The following GSG1L variants were observed in gnomAD, a reference collection of about 807,000 sequenced individuals.
GSG1L encodes GSG1 like, also known as germ cell-specific gene 1-like protein.
In GSG1L, 24 loss-of-function variants were observed where a neutral mutation model predicts 42.1. The observed-to-expected ratio is 0.57, with a 90% CI of 0.41 to 0.80. The LOEUF (loss-of-function observed/expected upper bound fraction) is 0.80, where lower values mean the gene tolerates loss of function less well. Among genes scored for constraint, GSG1L ranks in the 30% least tolerant of loss-of-function variants. The pLI is 0.00. For missense variants in GSG1L, 445 were observed against 472.2 expected (o/e 0.94, Z 0.53); for synonymous variants, 215 against 203.5 (o/e 1.06, Z -0.48).
chr16:27,954,605 A>G (rs1466593364), intron 2 of GSG1L, among the ~76,000 whole-genome samples: 4 of 152,150 alleles, frequency 2.6e-5, no homozygotes, highest in Non-Finnish European at 5.9e-5. Context: ...AGTGCAAGAG[A>G]AAAAGCCTCG....
At chr16:27,851,997 C>G (rs1413600712) in intron 3 of GSG1L, among the ~76,000 whole-genome samples, 2 of 152,230 alleles carry the variant, frequency 1.3e-5, no homozygotes, top group Non-Finnish European at 2.9e-5. Flanking sequence ...TCCAGGATCT[C>G]CCCTGCCTCT....
At chr16:27,863,705 A>C (rs2083682045) in intron 3 of GSG1L, among the ~76,000 whole-genome samples, 1 of 152,190 alleles carries the variant, frequency 6.6e-6, no homozygotes, top group Non-Finnish European at 1.5e-5. Context: ...TCATATTTCG[A>C]GATGACAGCC....
intron 1 of GSG1L, among the ~76,000 whole-genome samples, chr16:27,964,222 C>T (rs765105782): frequency 3.3e-5 from 5 of 151,420 alleles, no homozygotes; most frequent in Non-Finnish European, 7.4e-5. Context: ...CCCAGCTACT[C>T]GGGAGGCTGA....
At chr16:27,950,811 T>A (rs1338743222) in intron 2 of GSG1L, among the ~76,000 whole-genome samples, 1 of 152,108 alleles carries the variant, frequency 6.6e-6, no homozygotes, top group African/African-American at 2.4e-5. Flanking sequence ...GGCTGTTCAT[T>A]CTACTGGGAC....
At chr16:27,909,857 TC>T (rs1474156712) in intron 2 of GSG1L, among the ~76,000 whole-genome samples, 1 of 151,980 alleles carries the variant, frequency 6.6e-6, no homozygotes, top group Non-Finnish European at 1.5e-5. Context: ...AAGAGAAGTT[TC>T]ACAGTCCCAT....
At chr16:27,930,529 G>A (rs2084644065) in intron 2 of GSG1L, among the ~76,000 whole-genome samples, 1 of 152,218 alleles carries the variant, frequency 6.6e-6, no homozygotes, top group Non-Finnish European at 1.5e-5. Flanking sequence ...TATTTTGGGG[G>A]CCTTGTACAG....
At position 27,912,232 on chromosome 16, in the gene GSG1L, G is replaced by T. The variant is rs560860815; in HGVS notation, c.398-27594C>A. Among the ~76,000 whole-genome samples, 86 of 152,318 alleles carry T rather than the reference G, an allele frequency of 5.6e-4. 1 individual carries two copies. Among genetic ancestry groups the T allele is most frequent in the African/African-American group, 2.0e-3 (85 of 41,570 alleles). Reference sequence around the variant, plus strand: ...CAACTGGCATTAAGACCAAAGGTCTGGCTGGGCACAGTGGCTCATGCCTAT... The same window carrying T: ...CAACTGGCATTAAGACCAAAGGTCTTGCTGGGCACAGTGGCTCATGCCTAT... On this transcript the variant is annotated intron_variant, in intron 2 of 6. Transcript: ENST00000447459.
intron 2 of GSG1L, among the ~76,000 whole-genome samples, chr16:27,903,997 G>A (rs537539048): frequency 3.9e-5 from 6 of 152,104 alleles, no homozygotes; most frequent in East Asian, 1.9e-4. Context: ...TTGCTGAAAC[G>A]TGCCAGGCAC....
At chr16:28,002,540 G>C (rs1445331479) in intron 1 of GSG1L, among the ~76,000 whole-genome samples, 3 of 152,190 alleles carry the variant, frequency 2.0e-5, no homozygotes, top group Non-Finnish European at 4.4e-5. Flanking sequence ...GGGATGGCTT[G>C]AGCCCAGGAG....
intron 4 of GSG1L, among the ~76,000 whole-genome samples, chr16:27,844,474 G>A (rs1267875880): frequency 6.6e-6 from 1 of 152,036 alleles, no homozygotes; most frequent in African/African-American, 2.4e-5. Context: ...GGCAGGGGTC[G>A]GCAGGGGGTC....
chr16:27,943,123 T>C (rs1336679579), intron 2 of GSG1L, among the ~76,000 whole-genome samples: 1 of 152,050 alleles, frequency 6.6e-6, no homozygotes, highest in Non-Finnish European at 1.5e-5. Context: ...GGCATGATCA[T>C]AGCTCACTAC....
chr16:27,850,556 G>A (rs1317856313), intron 3 of GSG1L: 7 of 455,748 alleles, frequency 1.5e-5, no homozygotes, highest in African/African-American at 1.2e-4. Flanking sequence ...AGAGCAGGAG[G>A]GACCAGCAAA....
At chr16:28,022,387 G>T (rs58521643) in intron 1 of GSG1L, among the ~76,000 whole-genome samples, 1 of 152,106 alleles carries the variant, frequency 6.6e-6, no homozygotes, top group African/African-American at 2.4e-5. Context: ...GTACAGTGGC[G>T]TGATCACAGC....
At position 27,788,833 on chromosome 16, in the gene GSG1L, T is replaced by C. The variant is rs1405117300; in HGVS notation, c.*2537A>G. ...GAGGTAGGTATAATGATTATCCGGATTTAATGGATGAGGAAACAGGCACAG... is the reference window on the plus strand; with the variant it reads ...GAGGTAGGTATAATGATTATCCGGACTTAATGGATGAGGAAACAGGCACAG... On this transcript the variant is annotated 3_prime_UTR_variant, in exon 7 of 7. Transcript: ENST00000447459. 1 of 152,222 alleles carries C rather than the reference T, an allele frequency of 6.6e-6. No homozygotes were observed. Among genetic ancestry groups the C allele is most frequent in the Non-Finnish European group, 1.5e-5 (1 of 68,048 alleles). 9.4% of individuals were successfully genotyped at this position (152,222 alleles called of 1,614,324 possible).
intron 6 of GSG1L, among the ~76,000 whole-genome samples, chr16:27,807,268 T>G (rs920287398): frequency 1.3e-5 from 2 of 152,178 alleles, no homozygotes; most frequent in Non-Finnish European, 2.9e-5. Context: ...CCTTCCTTTC[T>G]TAGCATCCCA....
Position 28,016,291 on chromosome 16 carries a change from C to T in GSG1L, c.349+46785G>A, listed in dbSNP as rs376071815. ...AGCATGAGCCACACTGCACCTGGAA[C>T]CAATCATAGTTTTAATGTGGATAAA... On this transcript the variant is annotated intron_variant, in intron 1 of 6. Coordinates refer to ENST00000447459, the MANE Select transcript of GSG1L (RefSeq NM_001109763.2). 1.1e-4 allele frequency among the ~76,000 whole-genome samples: 17 copies of T among 152,200 alleles called. No homozygotes were observed. The East Asian group carries it at 2.5e-3, about 23-fold the overall frequency.
intron 5 of GSG1L, 93 bp from the exon 6 acceptor site, chr16:27,807,647 C>T: frequency 9.7e-7 from 1 of 1,033,584 alleles, no homozygotes; most frequent in Non-Finnish European, 1.4e-6. Flanking sequence ...GCAATCTTCC[C>T]CCCTCTGGAG....
chr16:27,867,432 T>C (rs991463014), intron 3 of GSG1L, among the ~76,000 whole-genome samples: 4 of 151,988 alleles, frequency 2.6e-5, no homozygotes, highest in Non-Finnish European at 5.9e-5. Context: ...AGGCAGAGGG[T>C]GGGCCTGGCT....
At chr16:27,962,680 G>A (rs2085083052) in intron 2 of GSG1L, among the ~76,000 whole-genome samples, 3 of 152,242 alleles carry the variant, frequency 2.0e-5, no homozygotes, top group South Asian at 4.1e-4. Flanking sequence ...TGGGCTCAGA[G>A]CCTCTGCTGT....
Sources: allele counts gnomAD v4.1 joint callset (sites outside exome capture counted in the v4.1 genomes callset), GRCh38; gene constraint gnomAD v4.1.1; transcripts MANE v1.5; gene names NCBI Gene and HGNC (gene_info 2026-07-23, HGNC 2026-07-21).